STS: variants seen among roughly 807,000 people sequenced by gnomAD.
STS encodes steryl-sulfatase.
A neutral mutation model predicts 26.8 loss-of-function variants in STS; 7 were observed. That is an observed-to-expected ratio of 0.26 (90% CI 0.15 to 0.49). STS has a LOEUF of 0.49. STS is among the 20% of genes least tolerant of loss of function. STS has a pLI of 0.98. For missense variants in STS, 434 were observed against 465.6 expected, an observed-to-expected ratio of 0.93 and a Z score of 0.63; for synonymous variants, 199 against 189.4, an observed-to-expected ratio of 1.05 and a Z score of -0.42.
intron 7 of STS, among the ~76,000 whole-genome samples, chrX:7,299,031 A>C (rs1354700455): frequency 2.3e-5 from 1 of 43,243 alleles, no homozygotes; most frequent in Non-Finnish European, 4.9e-5. Flanking sequence ...AATATATTTT[A>C]TTTATATATT....
In STS at chrX:7,220,763, T is replaced by A. The variant is rs765134502; in HGVS notation, c.-5+29755T>A. ...ACGGGGTTTCACGTGTTAGTCAGGA[T>A]GGTCTCGATCTCCTGATCTCGTGAT... is the stretch of plus-strand genomic sequence containing the variant. On this transcript the variant is annotated intron_variant, in intron 2 of 10. Coordinates refer to ENST00000674429, the MANE Select transcript of STS (RefSeq NM_001320752.2). Among the ~76,000 whole-genome samples, 5 of 109,476 alleles carry A rather than the reference T, an allele frequency of 4.6e-5. No individual in the cohort carries two copies. The South Asian group carries it at 2.0e-3, about 44-fold the overall frequency.
chrX:7,353,174 T>C lies in STS; in HGVS notation c.*2913T>C, dbSNP rs1225200435. The stretch of plus-strand genomic sequence containing the variant: ...AAGCAATGGGGAATACAAGTTCCAG[T>C]TCTGCAAAGATTCGTCAACTTTCTT... On this transcript the variant is annotated 3_prime_UTR_variant, in exon 11 of 11. Transcript: ENST00000674429. 3 of 111,448 alleles carry C rather than the reference T, an allele frequency of 2.7e-5. No homozygotes were observed. Among genetic ancestry groups the C allele is most frequent in the Non-Finnish European group, 5.6e-5 (3 of 53,173 alleles). The allele number at this position is 111,448 out of a possible 1,213,427, so 9.2% of individuals were successfully genotyped here.
At chrX:7,258,105 C>CATAGATAGATAG (rs72344557) in intron 5 of STS, among the ~76,000 whole-genome samples, 363 of 92,686 alleles carry the variant, frequency 3.9e-3, no homozygotes, top group East Asian at 5.4e-3. Flanking sequence ...GAAAAACAGA[C>CATAGATAGATAG]ATAGATAGAT....
chrX:7,168,059 C>T (rs1288859974), intron 1 of STS, among the ~76,000 whole-genome samples: 1 of 110,869 alleles, frequency 9.0e-6, no homozygotes, highest in Non-Finnish European at 1.9e-5. Context: ...TACAAACATC[C>T]CTTTACTTTT....
At chrX:7,345,192 G>T (rs1928473414) in intron 10 of STS, among the ~76,000 whole-genome samples, 2 of 111,559 alleles carry the variant, frequency 1.8e-5, no homozygotes, top group South Asian at 3.8e-4. Context: ...ACAAAAAGAT[G>T]CAGATGAACT....
At chrX:7,304,094 G>C (rs956574404) in intron 7 of STS, among the ~76,000 whole-genome samples, 2 of 111,250 alleles carry the variant, frequency 1.8e-5, no homozygotes, top group East Asian at 5.7e-4. Flanking sequence ...GATTCTCACT[G>C]AGTCTATCTA....
chrX:7,270,356 C>T (rs1414717073), intron 6 of STS, among the ~76,000 whole-genome samples: 5 of 111,747 alleles, frequency 4.5e-5, no homozygotes, highest in African/African-American at 9.8e-5. Flanking sequence ...AATGGTCTTT[C>T]CTGGTCTCTC....
intron 2 of STS, among the ~76,000 whole-genome samples, chrX:7,223,969 G>A (rs768942020): frequency 3.6e-5 from 4 of 110,543 alleles, no homozygotes; most frequent in Non-Finnish European, 5.7e-5. Flanking sequence ...GAGAGGCATT[G>A]GCGAGAGTTA....
In STS at chrX:7,190,955, A is replaced by G; in HGVS notation, c.-58A>G. ...GAACCTGCACACAGTCATCTCAGTA[A>G]GTTAAGATCTTCCTGAGGACAATGG... On this transcript the variant is annotated 5_prime_UTR_variant, in exon 2 of 11. Transcript: ENST00000674429. 1 of 753,072 alleles carries G rather than the reference A, an allele frequency of 1.3e-6. No individual in the cohort carries two copies. The highest frequency in any genetic ancestry group is 1.6e-6 in the Non-Finnish European group (1 of 638,581). The allele number at this position is 753,072 out of a possible 1,213,427, so 62.1% of individuals were successfully genotyped here. A position where few individuals can be genotyped will look rare whatever the true frequency, so the allele number is the denominator to read the frequency against.
chrX:7,182,378 C>A (rs1933697503), intron 1 of STS, among the ~76,000 whole-genome samples: 1 of 108,954 alleles, frequency 9.2e-6, no homozygotes, highest in Admixed American at 1.0e-4. Flanking sequence ...GGCAGATACT[C>A]CTTATCATGG....
intron 8 of STS, among the ~76,000 whole-genome samples, chrX:7,314,716 G>T (rs185122205): frequency 6.2e-5 from 7 of 112,782 alleles, no homozygotes; most frequent in African/African-American, 2.2e-4. Flanking sequence ...TTGTGATCCC[G>T]TAATGGGAGG....
chrX:7,348,789 A>G (rs185921133), intron 10 of STS, among the ~76,000 whole-genome samples: 1 of 111,782 alleles, frequency 8.9e-6, no homozygotes, highest in East Asian at 2.8e-4. Flanking sequence ...TTTTAAAGGT[A>G]TACGTTGCAT....
intron 1 of STS, among the ~76,000 whole-genome samples, chrX:7,157,650 C>T (rs1289918837): frequency 1.8e-5 from 2 of 111,488 alleles, no homozygotes; most frequent in Admixed American, 1.9e-4. Context: ...TGGCCAGGCA[C>T]CATGCCCTGG....
chrX:7,221,531 A>G (rs1466384635), intron 2 of STS, among the ~76,000 whole-genome samples: 7 of 111,654 alleles, frequency 6.3e-5, no homozygotes, highest in Admixed American at 1.9e-4. Flanking sequence ...TACTGGAAGG[A>G]GGAAGTCTGG....
At chrX:7,254,653 G>T (rs1923316322) in intron 3 of STS, among the ~76,000 whole-genome samples, 2 of 102,232 alleles carry the variant, frequency 2.0e-5, no homozygotes, top group Non-Finnish European at 4.0e-5. Context: ...ACGATCTCGG[G>T]GATCACTGCA....
rs770607867 is a variant in STS, at chrX:7,257,374, A to G, written c.259+11A>G. 6.6e-6 allele frequency: 8 copies of G among 1,210,438 alleles called. No homozygotes were observed. The African/African-American group carries it at 7.0e-5, about 11-fold the overall frequency. ...ACCCTGTCCGATCAGGTAACCTCCTATCTGCATCGCAGGGGCTGTGGTCAC... is the reference window on the plus strand; with the variant it reads ...ACCCTGTCCGATCAGGTAACCTCCTGTCTGCATCGCAGGGGCTGTGGTCAC... On this transcript the variant is annotated intron_variant, in intron 4 of 10. Coordinates refer to ENST00000674429, the MANE Select transcript of STS (RefSeq NM_001320752.2).
At chrX:7,189,254 G>A (rs1414241368) in intron 1 of STS, among the ~76,000 whole-genome samples, 3 of 110,861 alleles carry the variant, frequency 2.7e-5, no homozygotes, top group Admixed American at 9.6e-5. Context: ...CTAGATTTTT[G>A]GTCTAAATGT....
At chrX:7,148,903 TTTC>T (rs1210768095) in intron 1 of STS, among the ~76,000 whole-genome samples, 1 of 110,763 alleles carries the variant, frequency 9.0e-6, no homozygotes, top group Non-Finnish European at 1.9e-5. Context: ...TGCTCTGAGT[TTTC>T]TTTCTTTTTT....
At chrX:7,189,173 G>T (rs1195482367) in intron 1 of STS, among the ~76,000 whole-genome samples, 1 of 110,722 alleles carries the variant, frequency 9.0e-6, no homozygotes, top group African/African-American at 3.3e-5. Flanking sequence ...TTTTTACCAA[G>T]TGGGATTATG....
Sources: gnomAD v4.1 joint callset for allele counts (sites outside exome capture counted in the v4.1 genomes callset) on GRCh38, gnomAD v4.1.1 for gene constraint, MANE v1.5 for transcripts, NCBI Gene and HGNC (gene_info 2026-07-23, HGNC 2026-07-21) for gene names.